The following SLC2A9 variants were observed in gnomAD, a reference collection of about 807,000 sequenced individuals.
SLC2A9 encodes the protein solute carrier family 2, facilitated glucose transporter member 9.
A neutral mutation model predicts 50.6 loss-of-function variants in SLC2A9; 39 were observed. That is an observed-to-expected ratio of 0.77 (90% CI 0.60 to 1.01). The LOEUF is 1.01. SLC2A9 is among the 50% of genes least tolerant of loss of function. The pLI, the probability that SLC2A9 is intolerant of heterozygous loss-of-function variation, is 0.00. For synonymous variants in SLC2A9, 324 were observed against 276.9 expected (o/e 1.17, Z -1.69); for missense variants, 686 against 677.6 (o/e 1.01, Z -0.14).
intron 5 of SLC2A9, among the ~76,000 whole-genome samples, chr4:9,969,679 G>T (rs1016842311): frequency 6.6e-6 from 1 of 152,190 alleles, no homozygotes; most frequent in Non-Finnish European, 1.5e-5. Flanking sequence ...CACAATCATG[G>T]CAGAAGATGA....
rs375216352 is a variant in SLC2A9 at position 9,852,498 on chromosome 4, C to T, written c.1292-17490G>A. ...CGATCTCCTGACCTCATGATCCACCCGCCTCGGCCTCCCAAAGTGCTGGGA... is the reference window on the plus strand; with the variant it reads ...CGATCTCCTGACCTCATGATCCACCTGCCTCGGCCTCCCAAAGTGCTGGGA... On this transcript the variant is annotated intron_variant, in intron 10 of 11. Coordinates refer to ENST00000264784, the MANE Select transcript of SLC2A9 (RefSeq NM_020041.3). Among the ~76,000 whole-genome samples the T allele has an allele frequency of 2.4e-4, 36 of 151,800 alleles. No homozygotes were observed. In the Middle Eastern group the frequency reaches 0.017, roughly 72 times the overall value.
At chr4:9,938,194 G>A (rs4511996) in intron 6 of SLC2A9, among the ~76,000 whole-genome samples, 29,689 of 151,760 alleles carry the variant, frequency 0.2, 3,122 homozygotes, top group African/African-American at 0.22. Flanking sequence ...ATTTAACCCT[G>A]GCTTAATATA....
intron 5 of SLC2A9, among the ~76,000 whole-genome samples, chr4:9,979,488 G>A (rs1373645549): frequency 1.3e-5 from 2 of 152,062 alleles, no homozygotes; most frequent in Admixed American, 6.5e-5. Context: ...TGAGTGGGAA[G>A]GCAGCGCCCC....
Position 9,993,784 on chromosome 4 carries a change from G to A in SLC2A9, c.410+2997C>T, listed in dbSNP as rs547032704. Among the ~76,000 whole-genome samples the A allele has an allele frequency of 5.9e-5, 9 of 152,266 alleles. No homozygotes were observed. The East Asian group carries it at 1.2e-3, about 20-fold the overall frequency. ...ATTCCCTCAGCCAGAGACTCCAAGA[G>A]GTGAGGAACCTGCATCTGTGTGAGG... On this transcript the variant is annotated intron_variant, in intron 3 of 11. Coordinates refer to ENST00000264784, the MANE Select transcript of SLC2A9 (RefSeq NM_020041.3).
chr4:9,812,130 G>A (rs747199601), intron 3 of SLC2A9, among the ~76,000 whole-genome samples: 6 of 152,090 alleles, frequency 3.9e-5, no homozygotes, highest in East Asian at 1.9e-4. Flanking sequence ...CATGCAACTC[G>A]GTTTCAGCCA....
chr4:9,975,889 A>G (rs548727666), intron 5 of SLC2A9, among the ~76,000 whole-genome samples: 2 of 152,376 alleles, frequency 1.3e-5, no homozygotes, highest in East Asian at 3.9e-4. Context: ...AATGTGATAC[A>G]CATACACCGT....
chr4:10,023,982 G>T (rs1247038643), upstream of SLC2A9, among the ~76,000 whole-genome samples: 1 of 152,186 alleles, frequency 6.6e-6, no homozygotes, highest in Non-Finnish European at 1.5e-5. Flanking sequence ...CGTTCTGCCT[G>T]CTCTGACACT....
chr4:9,782,363 T>C, intron 3 of SLC2A9: 2 of 1,614,030 alleles, frequency 1.2e-6, no homozygotes, highest in Non-Finnish European at 8.5e-7. Flanking sequence ...CTTTGGAGCG[T>C]TCTGCGACGT....
At chr4:10,009,030 C>A (rs1761315894) in intron 2 of SLC2A9, among the ~76,000 whole-genome samples, 1 of 151,808 alleles carries the variant, frequency 6.6e-6, no homozygotes, top group Admixed American at 6.6e-5. Context: ...TCAGAGATAC[C>A]CATTTCATAG....
At chr4:9,991,918 G>A (rs1757779702) in intron 3 of SLC2A9, among the ~76,000 whole-genome samples, 2 of 152,230 alleles carry the variant, frequency 1.3e-5, no homozygotes, top group South Asian at 4.1e-4. Flanking sequence ...ATGGCAGCCT[G>A]GGCTAACCAA....
intron 3 of SLC2A9, among the ~76,000 whole-genome samples, chr4:9,791,663 T>C (rs571392026): frequency 7.2e-4 from 110 of 151,792 alleles, no homozygotes; most frequent in Non-Finnish European, 8.5e-4. Context: ...AAACTGGAGG[T>C]TGTGGGAGTG....
chr4:9,980,584 A>G lies in SLC2A9; in HGVS notation c.681+8T>C, dbSNP rs1755558733. ...AGCAGATGCGGTTGACCAGGGAGCC[A>G]CACTCACCTTTCCCAGCAGCTCGGG... On this transcript the variant is annotated splice_region_variant and intron_variant, in intron 5 of 11. Coordinates refer to ENST00000264784, the MANE Select transcript of SLC2A9 (RefSeq NM_020041.3). 1 of 1,614,148 alleles carries G rather than the reference A, an allele frequency of 6.2e-7. No homozygotes were observed. The highest frequency in any genetic ancestry group is 2.2e-5 in the East Asian group (1 of 44,880).
At chr4:9,996,657 G>T in intron 3 of SLC2A9, 124 bp downstream of exon 3, 1 of 1,193,776 alleles carries the variant, frequency 8.4e-7, no homozygotes, top group Non-Finnish European at 1.2e-6. Flanking sequence ...TCCCCTTTGG[G>T]CATTTGAATC....
intron 6 of SLC2A9, among the ~76,000 whole-genome samples, chr4:9,929,830 C>G (rs1260309505): frequency 6.6e-6 from 1 of 152,188 alleles, no homozygotes; most frequent in Non-Finnish European, 1.5e-5. Context: ...AGACAACAGA[C>G]TTCACAGTCC....
chr4:10,018,876 G>T, intron 2 of SLC2A9, 99 bp downstream of exon 2: 1 of 1,194,212 alleles, frequency 8.4e-7, no homozygotes, highest in Non-Finnish European at 1.2e-6. Flanking sequence ...CCCGCGCCGC[G>T]AGCGCAACAG....
At chr4:9,883,136 C>T (rs1735532803) in intron 10 of SLC2A9, among the ~76,000 whole-genome samples, 2 of 150,114 alleles carry the variant, frequency 1.3e-5, no homozygotes, top group African/African-American at 4.9e-5. Flanking sequence ...GCTATCTACA[C>T]ACACACACAC....
intron 3 of SLC2A9, among the ~76,000 whole-genome samples, chr4:9,805,214 G>A (rs944472687): frequency 8.5e-5 from 13 of 152,156 alleles, no homozygotes; most frequent in African/African-American, 3.1e-4. Context: ...AGCCAGTGGT[G>A]CTTCACTCCA....
At chr4:9,922,939 C>T (rs16891020) in intron 6 of SLC2A9, 4,521 of 152,610 alleles carry the variant, frequency 0.03, 149 homozygotes, top group Admixed American at 0.1. Flanking sequence ...CTTCTATTTC[C>T]CTAACTGCCA....
rs79122978 is a variant in SLC2A9, at chr4:9,863,835, C to T, written c.1291+23732G>A. Among the ~76,000 whole-genome samples the T allele has an allele frequency of 3.4e-4, 51 of 152,190 alleles. 2 individuals carry two copies. Among genetic ancestry groups the T allele is most frequent in the African/African-American group, 1.2e-3 (50 of 41,426 alleles). On this transcript the variant is annotated intron_variant, in intron 10 of 11. Coordinates refer to ENST00000264784, the MANE Select transcript of SLC2A9 (RefSeq NM_020041.3). ...ACCATGTAACTTCTGACTAACCCCA[C>T]GTCCAGGAATGCCTCCAAGAAGTCG...
Sources: allele counts gnomAD v4.1 joint callset (sites outside exome capture counted in the v4.1 genomes callset), GRCh38; gene constraint gnomAD v4.1.1; transcripts MANE v1.5; gene names NCBI Gene and HGNC (gene_info 2026-07-23, HGNC 2026-07-21).